The following VPS54 variants were observed in gnomAD, a reference collection of about 807,000 sequenced individuals.
The protein encoded by VPS54 is vacuolar protein sorting-associated protein 54.
VPS54 carries 45 observed loss-of-function variants against 121.5 expected under a neutral mutation model. The observed-to-expected ratio is 0.37, with a 90% CI of 0.29 to 0.47. The LOEUF is 0.47. Ranked by LOEUF, VPS54 falls within the 20% of genes least tolerant of loss-of-function variation. The pLI is 0.99. For missense variants in VPS54, 1,090 were observed against 1,131.4 expected (o/e 0.96, Z 0.52); for synonymous variants, 371 against 385.8 (o/e 0.96, Z 0.45).
At chr2:63,905,076 C>T (rs1672845838) in intron 20 of VPS54, among the ~76,000 whole-genome samples, 1 of 152,066 alleles carries the variant, frequency 6.6e-6, no homozygotes, top group South Asian at 2.1e-4. Context: ...CACAGATTAT[C>T]AAATGCTTAT....
intron 3 of VPS54, among the ~76,000 whole-genome samples, chr2:63,978,801 G>C (rs929361529): frequency 1.3e-5 from 2 of 152,040 alleles, no homozygotes; most frequent in African/African-American, 4.8e-5. Flanking sequence ...TGTATTTTTA[G>C]TAGAGACGGA....
chr2:63,930,899 G>C (rs896618271), intron 12 of VPS54, among the ~76,000 whole-genome samples: 2 of 152,112 alleles, frequency 1.3e-5, no homozygotes, highest in Non-Finnish European at 2.9e-5. Context: ...AATCATGAGC[G>C]AACTCCCATT....
intron 11 of VPS54, 85 bp from the exon 12 acceptor site, chr2:63,934,098 T>C: frequency 8.2e-7 from 1 of 1,213,486 alleles, no homozygotes; most frequent in South Asian, 1.6e-5. Flanking sequence ...GCATGTAATT[T>C]TGGACATCTA....
Position 63,933,927 on chromosome 2 carries a change from C to G in VPS54, c.1485G>C (p.Gln495His), listed in dbSNP as rs932689813. ...GTGAATTATCTTTTGCAGCATTCTT[C>G]TGTTGTGAAATCTCTTCCAATTCTC... Reference protein sequence around the residue: ...RTRELEEISQQKNAAKDNSLD... With the variant: ...RTRELEEISQHKNAAKDNSLD... The change falls in exon 12 of 23, where the codon CAG (glutamine) becomes CAC (histidine). Residue 495 changes from glutamine (Q) to histidine (H), a missense_variant. By Grantham distance (24) the Gln-to-His change is conservative. Around this residue, in one of 2 missense-constraint regions of VPS54, gnomAD observed 801 missense variants for 757.0 expected, o/e 1.06. Coordinates refer to ENST00000272322, the MANE Select transcript of VPS54 (RefSeq NM_016516.3). The G allele has an allele frequency of 2.5e-6, 4 of 1,613,550 alleles. No individual in the cohort carries two copies. The highest frequency in any genetic ancestry group is 3.4e-6 in the Non-Finnish European group (4 of 1,179,776).
At chr2:63,895,459 A>C (rs1672408604) in intron 22 of VPS54, among the ~76,000 whole-genome samples, 1 of 152,184 alleles carries the variant, frequency 6.6e-6, no homozygotes, top group Non-Finnish European at 1.5e-5. Context: ...ATCTCAAAAT[A>C]AAATCAAAGT....
intron 4 of VPS54, among the ~76,000 whole-genome samples, chr2:63,969,716 A>C (rs531631800): frequency 1.3e-5 from 2 of 152,226 alleles, no homozygotes; most frequent in African/African-American, 2.4e-5. Flanking sequence ...CCCTTGGTCT[A>C]TGGAAAAATT....
intron 7 of VPS54, among the ~76,000 whole-genome samples, chr2:63,955,564 A>G (rs1440003): frequency 0.47 from 70,591 of 151,640 alleles, 16,837 homozygotes; most frequent in African/African-American, 0.5. Context: ...AACAACTTGA[A>G]TAGCTTCATT....
intron 1 of VPS54, among the ~76,000 whole-genome samples, chr2:64,014,027 C>T (rs914997105): frequency 1.3e-5 from 2 of 148,310 alleles, no homozygotes; most frequent in African/African-American, 4.9e-5. Context: ...CCTGTCTCCA[C>T]TTAAAATACA....
intron 20 of VPS54, among the ~76,000 whole-genome samples, chr2:63,909,072 A>C (rs1204466056): frequency 2.0e-5 from 3 of 152,176 alleles, no homozygotes; most frequent in African/African-American, 4.8e-5. Context: ...CTCATTCATA[A>C]AACTTTCCCA....
At chr2:63,962,561 T>C (rs190097836) in intron 6 of VPS54, 118 bp from the exon 7 acceptor site, 30 of 1,261,106 alleles carry the variant, frequency 2.4e-5, no homozygotes, top group African/African-American at 3.0e-5. Context: ...ATTGTGTGAA[T>C]TGTTTGATTG....
intron 1 of VPS54, among the ~76,000 whole-genome samples, chr2:64,002,958 T>C (rs570818112): frequency 1.3e-5 from 2 of 152,278 alleles, no homozygotes; most frequent in Admixed American, 6.5e-5. Flanking sequence ...CACATAATTA[T>C]AAAAGTACAA....
Position 63,984,085 on chromosome 2 carries a change from C to G in VPS54, c.-20-66G>C, listed in dbSNP as rs542653524. On this transcript the variant is annotated intron_variant, in intron 1 of 22. Coordinates refer to ENST00000272322, the MANE Select transcript of VPS54 (RefSeq NM_016516.3). ...CAAAATCCAAGTATTATACATGTCA[C>G]AAATTTTCTTTCAAAAGCAAAAGAA... 2.1e-5 allele frequency: 28 copies of G among 1,338,888 alleles called. No homozygotes were observed. In the African/African-American group the frequency reaches 3.7e-4, roughly 18 times the overall value. The allele number at this position is 1,338,888 out of a possible 1,614,324, so 82.9% of individuals were successfully genotyped here. A position where few individuals can be genotyped will look rare whatever the true frequency, so the allele number is the denominator to read the frequency against.
chr2:63,930,608 C>T lies in VPS54; in HGVS notation c.1739+3065G>A, dbSNP rs1461034486. Among the ~76,000 whole-genome samples the T allele has an allele frequency of 4.6e-5, 7 of 152,294 alleles. 1 individual carries two copies. Among genetic ancestry groups the T allele is most frequent in the African/African-American group, 1.7e-4 (7 of 41,560 alleles). On this transcript the variant is annotated intron_variant, in intron 12 of 22. Coordinates refer to ENST00000272322, the MANE Select transcript of VPS54 (RefSeq NM_016516.3). ...ATTCACTTTGAAAACCGGCACAAGA[C>T]ACAGATGCCCTTTCTCACCACTCCT...
intron 4 of VPS54, among the ~76,000 whole-genome samples, chr2:63,969,705 C>T (rs1398973968): frequency 6.6e-6 from 1 of 152,120 alleles, no homozygotes; most frequent in African/African-American, 2.4e-5. Flanking sequence ...TCCCCGCAAA[C>T]CCCTTGGTCT....
At chr2:63,907,891 G>C (rs1672973878) in intron 20 of VPS54, among the ~76,000 whole-genome samples, 1 of 151,974 alleles carries the variant, frequency 6.6e-6, no homozygotes, top group South Asian at 2.1e-4. Flanking sequence ...ACCTACAAGA[G>C]GACGAACATT....
intron 4 of VPS54, among the ~76,000 whole-genome samples, chr2:63,969,362 G>GT (rs1253555794): frequency 5.9e-5 from 9 of 152,290 alleles, no homozygotes; most frequent in African/African-American, 1.9e-4. Flanking sequence ...AGCTTCATCT[G>GT]TATTTACAGC....
intron 4 of VPS54, among the ~76,000 whole-genome samples, chr2:63,970,928 T>C (rs1676256767): frequency 6.6e-6 from 1 of 152,010 alleles, no homozygotes; most frequent in Non-Finnish European, 1.5e-5. Flanking sequence ...CTACCATACC[T>C]ACATCTTCAG....
chr2:63,975,427 C>G (rs912273166), intron 3 of VPS54: 1 of 163,778 alleles, frequency 6.1e-6, no homozygotes, highest in African/African-American at 2.4e-5. Flanking sequence ...TTAGAAATTA[C>G]GGTTTAGGAG....
intron 1 of VPS54, among the ~76,000 whole-genome samples, chr2:63,985,598 A>G (rs771001748): frequency 6.6e-6 from 1 of 152,120 alleles, no homozygotes; most frequent in Non-Finnish European, 1.5e-5. Context: ...AACACTGAAT[A>G]ATCAATCATA....
Sources: gnomAD v4.1 joint callset for allele counts (sites outside exome capture counted in the v4.1 genomes callset) on GRCh38, gnomAD v4.1.1 for gene constraint, gnomAD v4.1.1 regional missense constraint, MANE v1.5 for transcripts, NCBI Gene and HGNC (gene_info 2026-07-23, HGNC 2026-07-21) for gene names.